The following KBTBD12 variants were observed in gnomAD, a reference collection of about 807,000 sequenced individuals.
KBTBD12 encodes the protein kelch repeat and BTB domain-containing protein 12.
Under a neutral mutation model 58.7 loss-of-function variants are expected in KBTBD12, and 53 were observed. The observed-to-expected ratio is 0.90, with a 90% confidence interval of 0.72 to 1.14. KBTBD12 has a LOEUF of 1.14. Among genes scored for constraint, KBTBD12 ranks in the 50% most tolerant of loss-of-function variants. The probability of loss-of-function intolerance (pLI) is 0.00; values close to 1 mark genes in which losing one functional copy is unlikely to be tolerated. For synonymous variants in KBTBD12, 236 were observed against 259.8 expected (o/e 0.91, Z 0.88); for missense variants, 704 against 751.3 (o/e 0.94, Z 0.74).
At chr3:127,965,490 C>G (rs766280247) in intron 5 of KBTBD12, among the ~76,000 whole-genome samples, 56 of 152,316 alleles carry the variant, frequency 3.7e-4, no homozygotes, top group Non-Finnish European at 6.9e-4. Context: ...TCTCATCAGA[C>G]CTAAAACAGA....
At chr3:127,943,842 C>A (rs1172844930) in intron 4 of KBTBD12, among the ~76,000 whole-genome samples, 1 of 152,056 alleles carries the variant, frequency 6.6e-6, no homozygotes, top group Non-Finnish European at 1.5e-5. Context: ...GTCTTTAATC[C>A]ATTTTGAGTT....
chr3:127,918,676 C>T (rs1939318659), intron 1 of KBTBD12, among the ~76,000 whole-genome samples: 1 of 149,086 alleles, frequency 6.7e-6, no homozygotes, highest in African/African-American at 2.5e-5. Context: ...CGCGCCACTG[C>T]ACTCAAGCCT....
At chr3:127,921,575 G>T (rs1007657024) in intron 1 of KBTBD12, among the ~76,000 whole-genome samples, 1 of 152,000 alleles carries the variant, frequency 6.6e-6, no homozygotes. Context: ...AACTGCCCAG[G>T]TATTTTTCTG....
intron 4 of KBTBD12, among the ~76,000 whole-genome samples, chr3:127,941,621 C>T (rs1939951613): frequency 6.6e-6 from 1 of 152,188 alleles, no homozygotes; most frequent in South Asian, 2.1e-4. Flanking sequence ...GAGTCTCACT[C>T]TGTTGCCTAG....
At chr3:127,968,123 A>G (rs1186754599) in intron 5 of KBTBD12, among the ~76,000 whole-genome samples, 2 of 152,208 alleles carry the variant, frequency 1.3e-5, no homozygotes, top group Non-Finnish European at 2.9e-5. Flanking sequence ...TGGCATAAAA[A>G]TGCTGATATA....
chr3:127,984,890 T>C lies in KBTBD12; in HGVS notation c.*612T>C, dbSNP rs1340996369. 6.6e-6 allele frequency: 1 copy of C among 152,318 alleles called. No individual in the cohort carries two copies. The highest frequency in any genetic ancestry group is 1.5e-5 in the Non-Finnish European group (1 of 68,114). 9.4% of individuals were successfully genotyped at this position (152,318 alleles called of 1,614,324 possible). On this transcript the variant is annotated 3_prime_UTR_variant, in exon 6 of 6. Transcript: ENST00000405109. ...ACTTCTCTCTGTGCTCTGTTCCAGC[T>C]TCAGTCTTATAAACACTGACCATTC...
chr3:127,952,418 G>T (rs1559768965), intron 4 of KBTBD12, among the ~76,000 whole-genome samples: 1 of 152,044 alleles, frequency 6.6e-6, no homozygotes, highest in African/African-American at 2.4e-5. Context: ...GGTTTCATGG[G>T]TTTTTTTCCT....
intron 5 of KBTBD12, among the ~76,000 whole-genome samples, chr3:127,983,372 A>T (rs1029434244): frequency 6.6e-6 from 1 of 152,096 alleles, no homozygotes; most frequent in African/African-American, 2.4e-5. Flanking sequence ...CTTGCCATGG[A>T]TCCCTCATGA....
At chr3:127,942,571 A>G (rs1053503024) in intron 4 of KBTBD12, among the ~76,000 whole-genome samples, 4 of 151,118 alleles carry the variant, frequency 2.6e-5, no homozygotes, top group Non-Finnish European at 2.9e-5. Context: ...GATTGTTTCT[A>G]TATCTTGACT....
In KBTBD12 at chr3:127,924,073, G is replaced by A. The variant is rs1390001091; in HGVS notation, c.1012G>A (p.Gly338Arg). 1.2e-6 allele frequency: 2 copies of A among 1,613,602 alleles called. No homozygotes were observed. The highest frequency in any genetic ancestry group is 1.7e-6 in the Non-Finnish European group (2 of 1,179,662). Residue 338 changes from glycine (G) to arginine (R), a missense_variant, in exon 2 of 6, where the codon GGA becomes AGA. Physicochemically the swap from Gly to Arg is moderately radical, Grantham distance 125 (BLOSUM62 -2). Coordinates refer to ENST00000405109, the MANE Select transcript of KBTBD12 (RefSeq NM_207335.4). Reference sequence around the variant, plus strand: ...GGAAAATAATACTATAATTGTGGCTGGAGAAGCAAGTGCCTCTAAACTCTC... The same window carrying A: ...GGAAAATAATACTATAATTGTGGCTAGAGAAGCAAGTGCCTCTAAACTCTC... Reference protein sequence around the residue: ...VMENNTIIVAGEASASKLSRQ... With the variant: ...VMENNTIIVAREASASKLSRQ...
At position 127,923,603 on chromosome 3, in the gene KBTBD12, T is replaced by A. The variant is rs1939483641; in HGVS notation, c.542T>A (p.Ile181Asn). 1.2e-6 allele frequency: 2 copies of A among 1,613,680 alleles called. No homozygotes were observed. The highest frequency in any genetic ancestry group is 2.7e-5 in the African/African-American group (2 of 75,048). Reference sequence around the variant, plus strand: ...GAAGTGCACCAATTTTTGACACTTATTAAATCAGATGATCTTAACATATCC... The same window carrying A: ...GAAGTGCACCAATTTTTGACACTTAATAAATCAGATGATCTTAACATATCC... Reference protein sequence around the residue: ...EIEVHQFLTLIKSDDLNISRE... With the variant: ...EIEVHQFLTLNKSDDLNISRE... The change falls in exon 2 of 6, where the codon ATT becomes AAT. Residue 181 changes from isoleucine to asparagine, a missense_variant. Physicochemically the swap from Ile to Asn is moderately radical, Grantham distance 149 (BLOSUM62 -3). Transcript: ENST00000405109.
intron 5 of KBTBD12, among the ~76,000 whole-genome samples, chr3:127,978,032 A>G (rs1227261017): frequency 6.6e-6 from 1 of 152,208 alleles, no homozygotes; most frequent in East Asian, 1.9e-4. Flanking sequence ...TCCAGTTTCA[A>G]TATTCTGCAT....
intron 4 of KBTBD12, among the ~76,000 whole-genome samples, chr3:127,954,401 C>G (rs887774124): frequency 2.0e-5 from 3 of 152,052 alleles, no homozygotes; most frequent in African/African-American, 7.2e-5. Context: ...ATTATGAGTC[C>G]TTGGTGAATG....
At chr3:127,917,253 T>G (rs532089650) in intron 1 of KBTBD12, among the ~76,000 whole-genome samples, 12 of 152,350 alleles carry the variant, frequency 7.9e-5, no homozygotes, top group Admixed American at 7.2e-4. Context: ...AAGTTGGGGT[T>G]CCCTCTTTGG....
intron 5 of KBTBD12, among the ~76,000 whole-genome samples, chr3:127,982,087 G>A (rs1478326838): frequency 6.6e-6 from 1 of 152,076 alleles, no homozygotes; most frequent in Non-Finnish European, 1.5e-5. Flanking sequence ...CTTCCAGGCT[G>A]GCCTCTATAG....
rs1346979483 is a variant in KBTBD12, at chr3:127,923,662, T to C, written c.601T>C (p.Trp201Arg). Residue 201 changes from tryptophan (W) to arginine (R), a missense_variant, in exon 2 of 6, where the codon TGG becomes CGG. Trp to Arg is a moderately radical substitution (Grantham distance 101). Coordinates refer to ENST00000405109, the MANE Select transcript of KBTBD12 (RefSeq NM_207335.4). ...EESILDLVLR[W>R]VNHNKELRTV... ...GAGCATTCTGGACTTAGTTCTGAGA[T>C]GGGTAAATCATAACAAAGAATTGCG... 1.2e-6 allele frequency: 2 copies of C among 1,613,672 alleles called. No individual in the cohort carries two copies. The highest frequency in any genetic ancestry group is 1.7e-6 in the Non-Finnish European group (2 of 1,179,798).
At chr3:127,983,659 G>A (rs552499590) in intron 5 of KBTBD12, among the ~76,000 whole-genome samples, 7 of 152,132 alleles carry the variant, frequency 4.6e-5, no homozygotes, top group Non-Finnish European at 7.4e-5. Flanking sequence ...AGGGTGAGGC[G>A]GGAGAATTGC....
In KBTBD12 at chr3:127,923,275, G is replaced by C; in HGVS notation, c.214G>C (p.Val72Leu). The change falls in exon 2 of 6, where the codon GTC becomes CTC. Residue 72 changes from valine to leucine, a missense_variant. Transcript: ENST00000405109. ...ACTACTTGAATGTAATCAAAGGGAA[G>C]TCATACTTTATGACATCACAGCAGA... ...CGLLECNQRE[V>L]ILYDITAESV... 6.2e-7 allele frequency: 1 copy of C among 1,613,792 alleles called. No homozygotes were observed.
intron 5 of KBTBD12, among the ~76,000 whole-genome samples, chr3:127,975,769 A>G (rs1216397862): frequency 6.6e-6 from 1 of 152,144 alleles, no homozygotes; most frequent in Non-Finnish European, 1.5e-5. Context: ...TCCGAACTCT[A>G]TCAAGCTAGG....
Sources: allele counts gnomAD v4.1 joint callset (sites outside exome capture counted in the v4.1 genomes callset), GRCh38; gene constraint gnomAD v4.1.1; transcripts MANE v1.5; gene names NCBI Gene and HGNC (gene_info 2026-07-23, HGNC 2026-07-21).